Variants in GABRA2 observed in about 807,000 individuals in gnomAD.
GABRA2 encodes the protein gamma-aminobutyric acid receptor subunit alpha-2.
Under a neutral mutation model 48.7 loss-of-function variants are expected in GABRA2, and 16 were observed. That is an observed-to-expected ratio of 0.33 (90% CI 0.22 to 0.50). The LOEUF (loss-of-function observed/expected upper bound fraction) is 0.50. GABRA2 is among the 20% of genes least tolerant of loss of function. GABRA2 has a pLI of 0.98. For synonymous variants in GABRA2, 185 were observed against 184.5 expected (o/e 1.00, Z -0.02); for missense variants, 275 against 535.6 (o/e 0.51, Z 4.80).
intron 3 of GABRA2, among the ~76,000 whole-genome samples, chr4:46,337,741 C>T (rs1167543849): frequency 6.6e-6 from 1 of 150,952 alleles, no homozygotes; most frequent in Non-Finnish European, 1.5e-5. Context: ...CAGGGATAGG[C>T]CCTTTGGTTT....
intron 4 of GABRA2, among the ~76,000 whole-genome samples, chr4:46,319,266 A>G (rs973086485): frequency 5.3e-5 from 8 of 151,730 alleles, no homozygotes; most frequent in Non-Finnish European, 8.8e-5. Context: ...TTATCCACTC[A>G]CTAAAACACA....
intron 8 of GABRA2, among the ~76,000 whole-genome samples, chr4:46,278,303 T>C (rs1231480829): frequency 1.3e-5 from 2 of 152,154 alleles, no homozygotes; most frequent in Non-Finnish European, 2.9e-5. Context: ...ACACATATGG[T>C]TCCATGGATC....
chr4:46,312,614 T>C lies in GABRA2; in HGVS notation c.358A>G (p.Lys120Glu). ...AAAAAGGTATCTGGAGTCCAGATTT[T>C]GCTAGCCATTAAATTGTTTAGTCGA... ...ILRLNNLMAS[K>E]IWTPDTFFHN... Residue 120 changes from lysine (K) to glutamate (E), a missense_variant, in exon 5 of 10, where the codon AAA (lysine) becomes GAA (glutamate). Around this residue, in one of 4 missense-constraint regions of GABRA2, gnomAD observed 113 missense variants for 257.1 expected, o/e 0.44. Coordinates refer to ENST00000381620, the MANE Select transcript of GABRA2 (RefSeq NM_000807.4). 6.3e-7 allele frequency: 1 copy of C among 1,576,166 alleles called. No homozygotes were observed. Among genetic ancestry groups the C allele is most frequent in the Non-Finnish European group, 8.6e-7 (1 of 1,162,906 alleles).
rs1366446327 is a variant in GABRA2, at chr4:46,262,067, T to C, written c.918A>G (p.Lys306=). 3 of 1,613,748 alleles carry C rather than the reference T, an allele frequency of 1.9e-6. No individual in the cohort carries two copies. The East Asian group carries it at 6.7e-5, about 36-fold the overall frequency. ...LSISARNSLP[K]VAYATAMDWF... ...AGTCCATGGCAGTTGCATAAGCCAC[T>C]TTGGGGAGAGAATTCCGAGCACTGA... is the stretch of plus-strand genomic sequence containing the variant. The change falls in exon 9 of 10, where the codon AAA becomes AAG. Residue 306 remains lysine, a synonymous_variant. Transcript: ENST00000381620.
At chr4:46,289,895 AT>A (rs142301474) in intron 8 of GABRA2, among the ~76,000 whole-genome samples, 55,111 of 144,676 alleles carry the variant, frequency 0.38, 11,108 homozygotes, top group East Asian at 0.5. Flanking sequence ...TTATTTATTT[AT>A]TTATTTATTT....
chr4:46,314,233 G>T (rs1728169544), intron 4 of GABRA2, among the ~76,000 whole-genome samples: 1 of 152,032 alleles, frequency 6.6e-6, no homozygotes, highest in Non-Finnish European at 1.5e-5. Context: ...TCAAATACTA[G>T]CCTAATGTGA....
At chr4:46,341,979 C>T (rs1733319522) in intron 3 of GABRA2, among the ~76,000 whole-genome samples, 1 of 151,906 alleles carries the variant, frequency 6.6e-6, no homozygotes, top group Non-Finnish European at 1.5e-5. Flanking sequence ...AAAGATGAGC[C>T]CTGAGAGTGG....
At chr4:46,275,356 T>C (rs902888200) in intron 8 of GABRA2, among the ~76,000 whole-genome samples, 1 of 152,078 alleles carries the variant, frequency 6.6e-6, no homozygotes, top group East Asian at 1.9e-4. Flanking sequence ...TCTACAACAT[T>C]TGAGAGGTGA....
At chr4:46,256,261 T>A (rs1042486984) in intron 9 of GABRA2, 1 of 696,566 alleles carries the variant, frequency 1.4e-6, no homozygotes, top group Non-Finnish European at 2.6e-6. Flanking sequence ...TTTCTTGGAA[T>A]AAACTGGGCC....
At chr4:46,344,053 G>T (rs187737533) in intron 3 of GABRA2, among the ~76,000 whole-genome samples, 1 of 151,980 alleles carries the variant, frequency 6.6e-6, no homozygotes, top group Admixed American at 6.6e-5. Context: ...TATTACTAGT[G>T]TTACTATTAT....
intron 8 of GABRA2, among the ~76,000 whole-genome samples, chr4:46,279,374 C>G (rs1721084464): frequency 6.6e-6 from 1 of 152,158 alleles, no homozygotes; most frequent in African/African-American, 2.4e-5. Flanking sequence ...TATCTATTAC[C>G]TCTGTACAAG....
Position 46,294,746 on chromosome 4 carries a change from C to CT in GABRA2, c.856+8713dup, listed in dbSNP as rs201404966. On this transcript the variant is annotated intron_variant, in intron 8 of 9. Transcript: ENST00000381620. ...CTGCCATCTTCTGCAGATAACTACT[C>CT]TTTTTTTTTGAGAGACAGCTCTTGG... Among the ~76,000 whole-genome samples, 1,182 of 151,638 alleles carry CT rather than the reference C, an allele frequency of 7.8e-3. 15 individuals carry two copies. The highest frequency in any genetic ancestry group is 0.026 in the African/African-American group (1,091 of 41,370).
At chr4:46,256,043 C>A (rs1440415487) in intron 9 of GABRA2, among the ~76,000 whole-genome samples, 1 of 151,488 alleles carries the variant, frequency 6.6e-6, no homozygotes, top group East Asian at 1.9e-4. Flanking sequence ...AAGGGCAAAT[C>A]TATGCTTTTT....
At chr4:46,295,867 G>C (rs1724538134) in intron 8 of GABRA2, among the ~76,000 whole-genome samples, 1 of 152,182 alleles carries the variant, frequency 6.6e-6, no homozygotes, top group Admixed American at 6.5e-5. Flanking sequence ...CTTCTGCCAA[G>C]ACTATCATCT....
intron 3 of GABRA2, chr4:46,363,626 T>C (rs1713573631): frequency 6.6e-6 from 1 of 152,190 alleles, no homozygotes; most frequent in Non-Finnish European, 1.5e-5. Context: ...ATCTAAGGTA[T>C]AATAGTTTAG....
At chr4:46,257,624 C>T (rs577554464) in intron 9 of GABRA2, among the ~76,000 whole-genome samples, 21 of 151,660 alleles carry the variant, frequency 1.4e-4, no homozygotes, top group African/African-American at 5.1e-4. Flanking sequence ...ATACTTGGAC[C>T]ATATTAGCTT....
chr4:46,285,631 TA>T, intron 8 of GABRA2, among the ~76,000 whole-genome samples: 1 of 152,108 alleles, frequency 6.6e-6, no homozygotes, highest in Non-Finnish European at 1.5e-5. Flanking sequence ...ATTTGTCACA[TA>T]GTTGCAAATT....
intron 8 of GABRA2, among the ~76,000 whole-genome samples, chr4:46,262,590 G>A (rs1717197016): frequency 6.6e-6 from 1 of 152,186 alleles, no homozygotes; most frequent in Admixed American, 6.6e-5. Flanking sequence ...TAATCATGAA[G>A]GAACCGTGAT....
rs114479289 is a variant in GABRA2 at position 46,361,575 on chromosome 4, G to A, written c.187+24499C>T. ...TAGAACAATGAGGAAGGGAAATGTA[G>A]GGTTGGAGCCACCAAACAGAGTCGC... On this transcript the variant is annotated intron_variant, in intron 3 of 9. Transcript: ENST00000381620. Among the ~76,000 whole-genome samples, 477 of 152,318 alleles carry A rather than the reference G, an allele frequency of 3.1e-3. 4 individuals are homozygous for A. Among genetic ancestry groups the A allele is most frequent in the African/African-American group, 0.011 (454 of 41,574 alleles).
Sources: allele counts gnomAD v4.1 joint callset (sites outside exome capture counted in the v4.1 genomes callset), GRCh38; gene constraint gnomAD v4.1.1; regional missense constraint gnomAD v4.1.1; transcripts MANE v1.5; gene names NCBI Gene and HGNC (gene_info 2026-07-23, HGNC 2026-07-21).